The following DMD variants were observed in gnomAD, a reference collection of about 807,000 sequenced individuals.
DMD encodes mutant dystrophin.
A neutral mutation model predicts 330.1 loss-of-function variants in DMD; 63 were observed. The ratio of observed to expected loss-of-function variants is 0.19; its 90% CI spans 0.16 to 0.24. The LOEUF (loss-of-function observed/expected upper bound fraction) is 0.24, where lower values mean the gene tolerates loss of function less well. DMD is among the 10% of genes least tolerant of loss of function. The pLI, the probability that DMD is intolerant of heterozygous loss-of-function variation, is 1.00. For synonymous variants in DMD, 1,223 were observed against 959.8 expected (o/e 1.27, Z -5.07); for missense variants, 3,344 against 2,684.1 (o/e 1.25, Z -5.43).
intron 44 of DMD, among the ~76,000 whole-genome samples, chrX:32,205,343 G>C (rs762797922): frequency 9.3e-6 from 1 of 107,427 alleles, no homozygotes; most frequent in African/African-American, 3.4e-5. Context: ...CATACCACAA[G>C]TTTTTCTGAC....
chrX:33,010,284 ATGTG>A (rs1249886123), intron 2 of DMD, among the ~76,000 whole-genome samples: 1 of 108,618 alleles, frequency 9.2e-6, no homozygotes, highest in African/African-American at 3.4e-5. Flanking sequence ...ATGTACATAT[ATGTG>A]TGTAAATATG....
At chrX:31,518,776 C>T (rs57691748) in intron 55 of DMD, among the ~76,000 whole-genome samples, 35,984 of 109,799 alleles carry the variant, frequency 0.33, 5,179 homozygotes, top group African/African-American at 0.55. Flanking sequence ...GAGGAAACCA[C>T]GAGTTTGAGA....
intron 1 of DMD, chrX:33,041,268 C>T: frequency 1.6e-6 from 1 of 613,026 alleles, no homozygotes; most frequent in Non-Finnish European, 2.6e-6. Flanking sequence ...TATAAAAACT[C>T]CTTAAGTGGC....
chrX:31,435,399 C>T (rs141504966), intron 60 of DMD, among the ~76,000 whole-genome samples: 1,316 of 111,409 alleles, frequency 0.012, 23 homozygotes, highest in African/African-American at 0.041. Flanking sequence ...TATTTCCACC[C>T]TCCCGTCTCC....
intron 48 of DMD, among the ~76,000 whole-genome samples, chrX:31,859,089 G>T (rs1349912490): frequency 9.0e-6 from 1 of 111,697 alleles, no homozygotes; most frequent in Non-Finnish European, 1.9e-5. Context: ...GAGCCACAAG[G>T]TCAGCAGGGT....
intron 54 of DMD, among the ~76,000 whole-genome samples, chrX:31,636,446 G>A (rs954336437): frequency 1.8e-5 from 2 of 111,937 alleles, no homozygotes; most frequent in African/African-American, 6.5e-5. Flanking sequence ...AGGATCCACA[G>A]ATAGCACCTC....
chrX:32,897,743 G>A (rs969331174), intron 2 of DMD, among the ~76,000 whole-genome samples: 1 of 111,718 alleles, frequency 9.0e-6, no homozygotes, highest in Non-Finnish European at 1.9e-5. Context: ...TACAAAATGT[G>A]TGTTCATACT....
intron 59 of DMD, among the ~76,000 whole-genome samples, chrX:31,468,704 G>A (rs969007930): frequency 5.4e-5 from 6 of 111,447 alleles, no homozygotes; most frequent in African/African-American, 2.0e-4. Flanking sequence ...CTGAGTTTAA[G>A]TCCTGAATAT....
intron 17 of DMD, among the ~76,000 whole-genome samples, chrX:32,543,461 T>C (rs2048679996): frequency 9.0e-6 from 1 of 111,439 alleles, no homozygotes; most frequent in South Asian, 3.7e-4. Context: ...ACATTAAAAG[T>C]GTTAGGCAAC....
chrX:31,393,545 G>A (rs1232420026), intron 60 of DMD, among the ~76,000 whole-genome samples: 2 of 108,367 alleles, frequency 1.8e-5, no homozygotes, highest in Non-Finnish European at 3.8e-5. Context: ...TCCATAGGAT[G>A]GTGTGATGAG....
At chrX:31,474,777 T>C (rs1469938893) in intron 59 of DMD, among the ~76,000 whole-genome samples, 1 of 109,416 alleles carries the variant, frequency 9.1e-6, no homozygotes, top group Non-Finnish European at 1.9e-5. Flanking sequence ...CATGGTTTAT[T>C]AGAAAAGTTC....
At chrX:32,720,243 T>A (rs1373854707) in intron 7 of DMD, among the ~76,000 whole-genome samples, 2 of 111,001 alleles carry the variant, frequency 1.8e-5, no homozygotes, top group African/African-American at 6.5e-5. Context: ...GGAAACAATA[T>A]GAACTCCTAG....
At chrX:31,366,523 A>C (rs767000719) in intron 60 of DMD, among the ~76,000 whole-genome samples, 1 of 103,720 alleles carries the variant, frequency 9.6e-6, no homozygotes, top group South Asian at 4.2e-4. Flanking sequence ...AATAAATAAA[A>C]AAGATAAAAG....
intron 2 of DMD, among the ~76,000 whole-genome samples, chrX:32,896,562 G>T (rs1428384559): frequency 8.9e-6 from 1 of 111,899 alleles, no homozygotes; most frequent in African/African-American, 3.3e-5. Context: ...TCTAGGGATA[G>T]AGCTATTTTT....
At chrX:33,286,430 C>G (rs977591218) in intron 1 of DMD, among the ~76,000 whole-genome samples, 2 of 111,714 alleles carry the variant, frequency 1.8e-5, no homozygotes, top group African/African-American at 6.5e-5. Context: ...TATGAATAAT[C>G]TGTCCTAATT....
intron 13 of DMD, among the ~76,000 whole-genome samples, chrX:32,588,760 T>A (rs1179612365): frequency 9.0e-6 from 1 of 111,341 alleles, no homozygotes; most frequent in East Asian, 2.8e-4. Context: ...AAATAATAAA[T>A]ACAAGATAAG....
intron 21 of DMD, among the ~76,000 whole-genome samples, chrX:32,474,915 C>T (rs2041067366): frequency 9.0e-6 from 1 of 111,486 alleles, no homozygotes; most frequent in African/African-American, 3.3e-5. Flanking sequence ...GGTTCCTGGT[C>T]ATGAAATCCT....
intron 44 of DMD, among the ~76,000 whole-genome samples, chrX:32,116,700 C>G (rs1027871468): frequency 8.9e-6 from 1 of 112,104 alleles, no homozygotes; most frequent in Admixed American, 9.5e-5. Context: ...TTTCTTGCAC[C>G]AGGGGTAAAG....
At chrX:32,338,711 G>C (rs1290080697) in intron 41 of DMD, among the ~76,000 whole-genome samples, 3 of 110,908 alleles carry the variant, frequency 2.7e-5, no homozygotes. Flanking sequence ...ATGACCCTTG[G>C]GGGTTGTAGT....
Sources: allele counts gnomAD v4.1 joint callset (sites outside exome capture counted in the v4.1 genomes callset), GRCh38; gene constraint gnomAD v4.1.1; transcripts MANE v1.5; gene names NCBI Gene and HGNC (gene_info 2026-07-23, HGNC 2026-07-21).